Variants in AGRN observed in about 807,000 individuals in gnomAD.
AGRN encodes the protein agrin.
In AGRN, 106 loss-of-function variants were observed where a neutral mutation model predicts 211.0. The ratio of observed to expected loss-of-function variants is 0.50; its 90% CI spans 0.43 to 0.59. The LOEUF is 0.59. Among genes scored for constraint, AGRN ranks in the 20% least tolerant of loss-of-function variants. The pLI is 0.00. For synonymous variants in AGRN, 1,525 were observed against 1,332.5 expected (o/e 1.14, Z -3.15); for missense variants, 3,040 against 2,982.6 (o/e 1.02, Z -0.45).
At chr1:1,052,870 T>A (rs1645346710) in intron 33 of AGRN, 1 of 155,982 alleles carries the variant, frequency 6.4e-6, no homozygotes, top group African/African-American at 2.5e-5. Flanking sequence ...TGTGTGTATA[T>A]GTGGGGGAGA....
Position 1,053,836 on chromosome 1 carries a change from C to T in AGRN, c.5735C>T (p.Ala1912Val), listed in dbSNP as rs141178720. 351 of 1,610,704 alleles carry T rather than the reference C, an allele frequency of 2.2e-4. 1 individual carries two copies. The highest frequency in any genetic ancestry group is 6.9e-4 in the Admixed American group (41 of 59,686). ...GGGCTGGTGCTCTGGAGTGGCAAGGCCACGGAGCGGGCAGACTATGTGGCA... is the reference window on the plus strand; with the variant it reads ...GGGCTGGTGCTCTGGAGTGGCAAGGTCACGGAGCGGGCAGACTATGTGGCA... ...TQGLVLWSGK[A>V]TERADYVALA... The change falls in exon 34 of 36, where the codon GCC becomes GTC. Residue 1912 changes from alanine to valine, a missense_variant. Around this residue, in one of 3 missense-constraint regions of AGRN, gnomAD observed 1,537 missense variants for 1,505.0 expected, o/e 1.02. Coordinates refer to ENST00000379370, the MANE Select transcript of AGRN (RefSeq NM_198576.4).
chr1:1,034,964 G>C (rs1381075200), intron 2 of AGRN: 4 of 496,490 alleles, frequency 8.1e-6, no homozygotes, highest in Admixed American at 3.2e-5. Flanking sequence ...CCGGCAGTTG[G>C]GGGTAGGGCA....
intron 14 of AGRN, 83 bp from the exon 15 acceptor site, chr1:1,045,650 C>T: frequency 6.2e-7 from 1 of 1,610,188 alleles, no homozygotes; most frequent in Non-Finnish European, 8.5e-7. Flanking sequence ...TGGGCAGAGC[C>T]AGGGTTGGGG....
At position 1,045,823 on chromosome 1, in the gene AGRN, A is replaced by G. The variant is rs756372072; in HGVS notation, c.2627A>G (p.Lys876Arg). 1 of 1,612,508 alleles carries G rather than the reference A, an allele frequency of 6.2e-7. No homozygotes were observed. Among genetic ancestry groups the G allele is most frequent in the Non-Finnish European group, 8.5e-7 (1 of 1,179,908 alleles). ...CSCKPGVAGP[K>R]CGQCPDGRAL... ...TGTAAGCCCGGGGTGGCTGGACCCA[A>G]GTGTGGGCAGTGTCCAGACGGCCGT... The change falls in exon 15 of 36, where the codon AAG (lysine) becomes AGG (arginine). Residue 876 changes from lysine (K) to arginine (R), a missense_variant. Lys to Arg is a conservative substitution (Grantham distance 26). Transcript: ENST00000379370.
rs1645083716 is a variant in AGRN, at chr1:1,046,091, G to A, written c.2805+3G>A. Reference sequence around the variant, plus strand: ...GTCCAGAGGCCAACGCTACCAAGGTGAGGGGTGTGGGATGTGAAGGGGAGT... The same window carrying A: ...GTCCAGAGGCCAACGCTACCAAGGTAAGGGGTGTGGGATGTGAAGGGGAGT... On this transcript the variant is annotated splice_donor_region_variant and intron_variant, in intron 16 of 35. Coordinates refer to ENST00000379370, the MANE Select transcript of AGRN (RefSeq NM_198576.4). The A allele has an allele frequency of 2.5e-6, 4 of 1,614,048 alleles. No individual in the cohort carries two copies. In the East Asian group the frequency reaches 8.9e-5, roughly 36 times the overall value.
rs774110928 is a variant in AGRN, at chr1:1,048,842, C to G, written c.4106-25C>G. ...GGGGAATCCTCGGAGCTTTTCCAGC[C>G]GGCCCTCCCGGTCGCCCTTTGCAGT... On this transcript the variant is annotated intron_variant, in intron 23 of 35. Transcript: ENST00000379370. The surrounding 1 kb of genome is among the most constrained non-coding windows in gnomAD (Gnocchi z 5.9). The G allele has an allele frequency of 1.3e-6, 2 of 1,522,220 alleles. No individual in the cohort carries two copies. The highest frequency in any genetic ancestry group is 1.8e-6 in the Non-Finnish European group (2 of 1,136,012). The allele number at this position is 1,522,220 out of a possible 1,614,324, so 94.3% of individuals were successfully genotyped here. A position where few individuals can be genotyped will look rare whatever the true frequency, so the allele number is the denominator to read the frequency against.
At chr1:1,040,419 G>T (rs1052468670) in intron 3 of AGRN, among the ~76,000 whole-genome samples, 4 of 152,204 alleles carry the variant, frequency 2.6e-5, no homozygotes, top group Non-Finnish European at 5.9e-5. Context: ...CTGCAGGTGC[G>T]GGGTGGGGGA....
chr1:1,051,264 C>T lies in AGRN; in HGVS notation c.5265C>T (p.Thr1755=), dbSNP rs773071527. ...TGGCGTCCCCGCAGGTTCCGCACAC[C>T]GTCCTCAACCTGAAGGAGCCGCTCT... ...RVLGESPVPH[T]VLNLKEPLYV... Residue 1755 remains threonine (T), a synonymous_variant, in exon 31 of 36, where the codon ACC becomes ACT. Transcript: ENST00000379370. The T allele has an allele frequency of 7.0e-6, 11 of 1,581,070 alleles. No homozygotes were observed. Among genetic ancestry groups the T allele is most frequent in the Admixed American group, 5.4e-5 (3 of 55,494 alleles).
rs942661008 is a variant in AGRN, at chr1:1,050,509, A to G, written c.5059A>G (p.Lys1687Glu). 6.2e-7 allele frequency: 1 copy of G among 1,612,742 alleles called. No homozygotes were observed. Among genetic ancestry groups the G allele is most frequent in the Non-Finnish European group, 8.5e-7 (1 of 1,179,872 alleles). The part of the protein sequence containing the change: ...LLYNGQKTDG[K>E]GDFVSLALRD... ...CTACAACGGGCAGAAGACGGACGGC[A>G]AGGGGGACTTCGTGTCGCTGGCACT... The change falls in exon 29 of 36, where the codon AAG becomes GAG. Residue 1687 changes from lysine to glutamate, a missense_variant. Transcript: ENST00000379370.
chr1:1,046,127 C>G (rs1315726912), intron 16 of AGRN, 33 bp from the exon 17 acceptor site: 3 of 1,613,956 alleles, frequency 1.9e-6, no homozygotes, highest in Non-Finnish European at 2.5e-6. Flanking sequence ...GGGGAGGAGG[C>G]CTCGCCTTGA....
rs769740475 is a variant in AGRN, at chr1:1,046,521, A to G, written c.3036A>G (p.Ala1012=). ...TCCCCCTGGCTCCCAGCAGTACCGC[A>G]CACAGCCAGACCACCCCTCCGCCCT... The part of the protein sequence containing the change: ...GALPLAPSST[A]HSQTTPPPSS... Residue 1012 remains alanine (A), a synonymous_variant, in exon 18 of 36, where the codon GCA becomes GCG. Transcript: ENST00000379370. 1.6e-5 allele frequency: 25 copies of G among 1,606,578 alleles called. No individual in the cohort carries two copies. The East Asian group carries it at 1.6e-4, about 10-fold the overall frequency.
rs768688185 is a variant in AGRN at position 1,047,862 on chromosome 1, C to T, written c.3718C>T (p.Pro1240Ser). 63 of 1,605,600 alleles carry T rather than the reference C, an allele frequency of 3.9e-5. No individual in the cohort carries two copies. In the Admixed American group the frequency reaches 1.0e-3, roughly 26 times the overall value. ...SRRRSLGVRR[P>S]LQEHVRFMDF... ...GCGCCGGTCCTTGGGGGTGAGGCGG[C>T]CGCTGCAGGAGCACGTGCGATTTAT... The change falls in exon 22 of 36, where the codon CCG (proline) becomes TCG (serine). Residue 1240 changes from proline to serine, a missense_variant. Physicochemically the swap from Pro to Ser is moderately conservative, Grantham distance 74 (BLOSUM62 -1). Transcript: ENST00000379370.
At chr1:1,039,002 G>A (rs1230206061) in intron 3 of AGRN, among the ~76,000 whole-genome samples, 2 of 152,334 alleles carry the variant, frequency 1.3e-5, no homozygotes, top group East Asian at 3.9e-4. Context: ...ACATAGCGCT[G>A]TGTGCTGGGC....
At position 1,050,105 on chromosome 1, in the gene AGRN, C is replaced by T. The variant is rs532585419; in HGVS notation, c.4879+68C>T. On this transcript the variant is annotated intron_variant, in intron 27 of 35. Coordinates refer to ENST00000379370, the MANE Select transcript of AGRN (RefSeq NM_198576.4). ...TGAACGTTTGGGCGGGTACAGGTTC[C>T]AGGTAGCATTGCAGTTAGGATGCGG... 1,019 of 1,573,898 alleles carry T rather than the reference C, an allele frequency of 6.5e-4. 16 individuals carry two copies. The South Asian group carries it at 0.011, about 17-fold the overall frequency.
intron 33 of AGRN, chr1:1,053,369 G>A (rs560038733): frequency 2.6e-6 from 3 of 1,150,992 alleles, no homozygotes; most frequent in East Asian, 5.1e-5. Context: ...TTCTGTGGGT[G>A]CCTGCTCCTT....
At position 1,020,186 on chromosome 1, in the gene AGRN, C is replaced by A; in HGVS notation, c.14C>A (p.Ser5Tyr). The A allele has an allele frequency of 1.5e-6, 2 of 1,342,950 alleles. No individual in the cohort carries two copies. Among genetic ancestry groups the A allele is most frequent in the South Asian group, 1.8e-5 (1 of 54,278 alleles). The allele number at this position is 1,342,950 out of a possible 1,614,324, so 83.2% of individuals were successfully genotyped here. The change falls in exon 1 of 36, where the codon TCC (serine) becomes TAC (tyrosine). Residue 5 changes from serine to tyrosine, a missense_variant. By Grantham distance (144) the Ser-to-Tyr change is moderately radical. Coordinates refer to ENST00000379370, the MANE Select transcript of AGRN (RefSeq NM_198576.4). MAGRSHPGPLRPLLP... is the reference protein window; with the variant it reads MAGRYHPGPLRPLLP... The stretch of plus-strand genomic sequence containing the variant: ...CTCGCCTGCGCCATGGCCGGCCGGT[C>A]CCACCCGGGCCCGCTGCGGCCGCTG...
In AGRN at chr1:1,043,886, C is replaced by T. The variant is rs1303230782; in HGVS notation, c.1862C>T (p.Pro621Leu). Reference sequence around the variant, plus strand: ...TGCTCCGCAGGGCAGTGTGTGTGTCCCCGGTGTGAGCACCCCCCGCCCGGC... The same window carrying T: ...TGCTCCGCAGGGCAGTGTGTGTGTCTCCGGTGTGAGCACCCCCCGCCCGGC... ...AVCSAGQCVC[P>L]RCEHPPPGPV... The change falls in exon 10 of 36, where the codon CCC (proline) becomes CTC (leucine). Residue 621 changes from proline to leucine, a missense_variant. This residue lies in a region of AGRN where 1,498 missense variants were observed against 1,457.8 expected (regional missense o/e 1.03). Coordinates refer to ENST00000379370, the MANE Select transcript of AGRN (RefSeq NM_198576.4). 4 of 1,611,300 alleles carry T rather than the reference C, an allele frequency of 2.5e-6. No homozygotes were observed. In the South Asian group the frequency reaches 4.4e-5, roughly 18 times the overall value.
chr1:1,048,703 G>A lies in AGRN; in HGVS notation c.4106-164G>A, dbSNP rs1161843156. 4 of 836,972 alleles carry A rather than the reference G, an allele frequency of 4.8e-6. No homozygotes were observed. The highest frequency in any genetic ancestry group is 7.2e-6 in the Non-Finnish European group (4 of 558,458). 51.8% of individuals were successfully genotyped at this position (836,972 alleles called of 1,614,324 possible). A position where few individuals can be genotyped will look rare whatever the true frequency, so the allele number is the denominator to read the frequency against. On this transcript the variant is annotated intron_variant, in intron 23 of 35. Coordinates refer to ENST00000379370, the MANE Select transcript of AGRN (RefSeq NM_198576.4). This position sits in a 1 kb window ranked among gnomAD's most constrained non-coding sequence, Gnocchi z 5.9. Reference sequence around the variant, plus strand: ...AATCGCTTGAACCTGGCAGGCGGAGGTTGCGGTGAGCCAGGATCGCGCCAC... The same window carrying A: ...AATCGCTTGAACCTGGCAGGCGGAGATTGCGGTGAGCCAGGATCGCGCCAC...
At chr1:1,043,090 C>A in intron 7 of AGRN, 149 bp from the exon 8 acceptor site, 1 of 874,836 alleles carries the variant, frequency 1.1e-6, no homozygotes, top group Non-Finnish European at 1.8e-6. Flanking sequence ...CTTTCTCTGC[C>A]GTGTCTGCTG....
Sources: allele counts gnomAD v4.1 joint callset (sites outside exome capture counted in the v4.1 genomes callset), GRCh38; gene constraint gnomAD v4.1.1; regional missense constraint gnomAD v4.1.1; non-coding constraint Gnocchi (gnomAD v3.1); transcripts MANE v1.5; gene names NCBI Gene and HGNC (gene_info 2026-07-23, HGNC 2026-07-21).